FER1L6: variants seen among roughly 807,000 people sequenced by gnomAD.
FER1L6 encodes the protein fer-1 like family member 6.
FER1L6 carries 177 observed loss-of-function variants against 219.2 expected under a neutral mutation model. The ratio of observed to expected loss-of-function variants is 0.81; its 90% CI spans 0.71 to 0.91. The LOEUF is 0.91. FER1L6 is among the 40% of genes least tolerant of loss of function. FER1L6 has a pLI of 0.00. For synonymous variants in FER1L6, 768 were observed against 824.3 expected, an observed-to-expected ratio of 0.93 and a Z score of 1.17; for missense variants, 2,153 against 2,259.9, an observed-to-expected ratio of 0.95 and a Z score of 0.96.
intron 9 of FER1L6, 119 bp from the exon 10 acceptor site, chr8:123,977,298 G>A (rs1275889576): frequency 8.8e-5 from 84 of 958,340 alleles, no homozygotes; most frequent in Non-Finnish European, 1.2e-4. Context: ...ATTTTCGTGG[G>A]TGTCAGAAGC....
rs117714202 is a variant in FER1L6, at chr8:123,896,567, G to T, written c.-8+44382G>T. On this transcript the variant is annotated intron_variant, in intron 1 of 40. Coordinates refer to ENST00000522917, the MANE Select transcript of FER1L6 (RefSeq NM_001039112.2). ...TTGCAACTTTTCTTTTTGCCTGAAAGTTCGCGAGTCTCTCATTTTAAAGCG... is the reference window on the plus strand; with the variant it reads ...TTGCAACTTTTCTTTTTGCCTGAAATTTCGCGAGTCTCTCATTTTAAAGCG... 5.8e-3 allele frequency among the ~76,000 whole-genome samples: 878 copies of T among 152,270 alleles called. 28 individuals carry two copies. Among genetic ancestry groups the T allele is most frequent in the Admixed American group, 0.036 (549 of 15,300 alleles).
intron 19 of FER1L6, among the ~76,000 whole-genome samples, chr8:124,037,536 T>C (rs1163786938): frequency 6.6e-6 from 1 of 152,214 alleles, no homozygotes; most frequent in African/African-American, 2.4e-5. Flanking sequence ...ATCACTTCTC[T>C]GGTTCTCCCT....
At chr8:124,095,141 C>A in intron 35 of FER1L6, 103 bp downstream of exon 35, 2 of 1,443,476 alleles carry the variant, frequency 1.4e-6, no homozygotes, top group Non-Finnish European at 1.9e-6. Context: ...GTACATTTAG[C>A]AATGTCTGGA....
At chr8:124,113,991 G>A (rs1563808285) in intron 39 of FER1L6, among the ~76,000 whole-genome samples, 1 of 152,180 alleles carries the variant, frequency 6.6e-6, no homozygotes, top group Non-Finnish European at 1.5e-5. Flanking sequence ...ACGTGGTGGT[G>A]TGGGGAATTC....
chr8:124,013,441 TAGA>T lies in FER1L6; in HGVS notation c.1838_1840del (p.Glu613del), dbSNP rs777186231. On this transcript the variant is annotated inframe_deletion, in exon 15 of 41. Coordinates refer to ENST00000522917, the MANE Select transcript of FER1L6 (RefSeq NM_001039112.2). ...GTGGTTTGTTTTCAGGAAGAAAGTA[TAGA>T]AGAAGTGAGAGAATTGATCAAGATT... is the stretch of plus-strand genomic sequence containing the variant. 2 of 1,606,792 alleles carry T rather than the reference TAGA, an allele frequency of 1.2e-6. No homozygotes were observed.
Position 124,010,577 on chromosome 8 carries a change from C to A in FER1L6, c.1701-17C>A. 6.2e-7 allele frequency: 1 copy of A among 1,613,074 alleles called. No individual in the cohort carries two copies. The highest frequency in any genetic ancestry group is 8.5e-7 in the Non-Finnish European group (1 of 1,179,606). ...CACTGATTACCAGCTAACTTCCAGA[C>A]CTAATTGTTTTCACAGGAATTACAA... On this transcript the variant is annotated splice_polypyrimidine_tract_variant and intron_variant, in intron 13 of 40. Transcript: ENST00000522917.
chr8:124,118,404 G>GA (rs1337346695), intron 39 of FER1L6, among the ~76,000 whole-genome samples: 3 of 152,124 alleles, frequency 2.0e-5, no homozygotes, highest in Non-Finnish European at 4.4e-5. Flanking sequence ...AAGAGTGACA[G>GA]AAAAAAAGCC....
chr8:124,115,763 C>A (rs566980991), intron 39 of FER1L6, among the ~76,000 whole-genome samples: 1 of 152,262 alleles, frequency 6.6e-6, no homozygotes, highest in African/African-American at 2.4e-5. Context: ...CTGTTAATAG[C>A]CTCAGTACAG....
At chr8:123,869,782 C>T (rs1816895957) in intron 1 of FER1L6, among the ~76,000 whole-genome samples, 1 of 152,128 alleles carries the variant, frequency 6.6e-6, no homozygotes, top group African/African-American at 2.4e-5. Flanking sequence ...TACCTGATTT[C>T]AAGACTTAAT....
chr8:123,994,652 A>G (rs992486730), intron 12 of FER1L6, among the ~76,000 whole-genome samples: 3 of 152,110 alleles, frequency 2.0e-5, no homozygotes, highest in Admixed American at 1.3e-4. Context: ...TCACCCGCAA[A>G]ACCCAGGCTC....
chr8:123,882,022 A>G (rs553781163), intron 1 of FER1L6, among the ~76,000 whole-genome samples: 7 of 152,346 alleles, frequency 4.6e-5, no homozygotes, highest in African/African-American at 1.7e-4. Context: ...ATAATCAAAT[A>G]GCATCATCCT....
At chr8:124,095,707 G>A (rs1301955277) in intron 35 of FER1L6, among the ~76,000 whole-genome samples, 1 of 152,124 alleles carries the variant, frequency 6.6e-6, no homozygotes, top group Non-Finnish European at 1.5e-5. Context: ...GAGTGAACGC[G>A]GGCACTGTTA....
At chr8:124,070,311 C>G (rs1189692974) in intron 29 of FER1L6, among the ~76,000 whole-genome samples, 156 bp from the exon 30 acceptor site, 2 of 152,140 alleles carry the variant, frequency 1.3e-5, no homozygotes, top group Admixed American at 1.3e-4. Context: ...TGAGCCAATC[C>G]ACGTTCCTTA....
At chr8:123,937,131 C>T (rs1403023548) in intron 1 of FER1L6, among the ~76,000 whole-genome samples, 2 of 152,234 alleles carry the variant, frequency 1.3e-5, no homozygotes, top group Admixed American at 6.5e-5. Flanking sequence ...GTCTCGAACT[C>T]CAGACGTTAA....
At position 123,856,302 on chromosome 8, in the gene FER1L6, A is replaced by ATG. The variant is rs1276599677; in HGVS notation, c.-8+4118_-8+4119insGT. Reference sequence around the variant, plus strand: ...TATATATGTGTGTGTGTATATATATATATATATGTATGTGTATATATATAT... The same window carrying ATG: ...TATATATGTGTGTGTGTATATATATATGTATATATGTATGTGTATATATATAT... On this transcript the variant is annotated intron_variant, in intron 1 of 40. Transcript: ENST00000522917. 1.9e-4 allele frequency among the ~76,000 whole-genome samples: 13 copies of ATG among 66,892 alleles called. 3 individuals are homozygous for ATG. The highest frequency in any genetic ancestry group is 1.5e-3 in the Admixed American group (9 of 6,138). The allele number at this position is 66,892 out of a possible 152,430, so 43.9% of individuals were successfully genotyped here.
At chr8:123,953,282 G>A (rs894105979) in intron 1 of FER1L6, among the ~76,000 whole-genome samples, 3 of 152,164 alleles carry the variant, frequency 2.0e-5, no homozygotes, top group African/African-American at 7.2e-5. Flanking sequence ...CAAGAGGGCC[G>A]CGCTGGTTGT....
At position 124,039,764 on chromosome 8, in the gene FER1L6, T is replaced by C. The variant is rs879205382; in HGVS notation, c.2465-118T>C. ...CTCAGAGGAGGGTGGATGTGGCTGG[T>C]GGTCTCCTTTTGTCTGTCTGTGGAT... is the stretch of plus-strand genomic sequence containing the variant. On this transcript the variant is annotated intron_variant, in intron 19 of 40. Transcript: ENST00000522917. The C allele has an allele frequency of 7.1e-6, 9 of 1,271,816 alleles. No homozygotes were observed. The East Asian group carries it at 1.7e-4, about 24-fold the overall frequency. The allele number at this position is 1,271,816 out of a possible 1,614,324, so 78.8% of individuals were successfully genotyped here. A position where few individuals can be genotyped will look rare whatever the true frequency, so the allele number is the denominator to read the frequency against.
At chr8:123,884,940 T>C (rs986112183) in intron 1 of FER1L6, among the ~76,000 whole-genome samples, 1 of 152,064 alleles carries the variant, frequency 6.6e-6, no homozygotes, top group African/African-American at 2.4e-5. Flanking sequence ...TTAGTTAAGA[T>C]GACACCAGCC....
At chr8:123,914,804 G>C (rs1813136011) in intron 1 of FER1L6, among the ~76,000 whole-genome samples, 1 of 152,162 alleles carries the variant, frequency 6.6e-6, no homozygotes, top group Admixed American at 6.5e-5. Flanking sequence ...AGACTTAAGG[G>C]TTAGTAAGAA....
Sources: allele counts gnomAD v4.1 joint callset (sites outside exome capture counted in the v4.1 genomes callset), GRCh38; gene constraint gnomAD v4.1.1; transcripts MANE v1.5; gene names NCBI Gene and HGNC (gene_info 2026-07-23, HGNC 2026-07-21).